HS3ST4: variants seen among roughly 807,000 people sequenced by gnomAD.
HS3ST4 encodes heparan sulfate glucosamine 3-O-sulfotransferase 4.
A neutral mutation model predicts 29.2 loss-of-function variants in HS3ST4; 17 were observed. The ratio of observed to expected loss-of-function variants is 0.58; its 90% CI spans 0.40 to 0.87. HS3ST4 has a LOEUF of 0.87. HS3ST4 is among the 40% of genes least tolerant of loss of function. The probability of loss-of-function intolerance (pLI) is 0.00; values close to 1 mark genes in which losing one functional copy is unlikely to be tolerated. For missense variants in HS3ST4, 627 were observed against 634.5 expected, an observed-to-expected ratio of 0.99 and a Z score of 0.13; for synonymous variants, 314 against 285.7, an observed-to-expected ratio of 1.10 and a Z score of -1.00.
intron 1 of HS3ST4, among the ~76,000 whole-genome samples, chr16:25,740,993 G>T (rs527468488): frequency 6.6e-6 from 1 of 152,214 alleles, no homozygotes; most frequent in South Asian, 2.1e-4. Flanking sequence ...TTTCTGTCTA[G>T]CGTCTGCTAC....
intron 1 of HS3ST4, among the ~76,000 whole-genome samples, chr16:25,998,471 C>A (rs1433118060): frequency 1.3e-5 from 2 of 152,180 alleles, no homozygotes; most frequent in Non-Finnish European, 2.9e-5. Context: ...GCTGTTATCA[C>A]AGGTGTGACT....
intron 1 of HS3ST4, among the ~76,000 whole-genome samples, chr16:25,783,887 A>C (rs1596569639): frequency 6.6e-6 from 1 of 151,854 alleles, no homozygotes; most frequent in Non-Finnish European, 1.5e-5. Flanking sequence ...ACTGCAGTGC[A>C]ATTTGCAGAT....
intron 1 of HS3ST4, among the ~76,000 whole-genome samples, chr16:25,897,693 T>TC (rs756681405): frequency 1.3e-5 from 2 of 151,928 alleles, no homozygotes; most frequent in Non-Finnish European, 2.9e-5. Flanking sequence ...TTCCTCTCTC[T>TC]CCCCCTTCTT....
intron 1 of HS3ST4, among the ~76,000 whole-genome samples, chr16:26,117,499 C>T (rs1453727524): frequency 6.6e-6 from 1 of 152,220 alleles, no homozygotes; most frequent in Non-Finnish European, 1.5e-5. Context: ...TTCCCAGAGA[C>T]TGGAGACAGG....
intron 1 of HS3ST4, among the ~76,000 whole-genome samples, chr16:26,047,098 A>G (rs1898280742): frequency 6.6e-6 from 1 of 152,222 alleles, no homozygotes; most frequent in Admixed American, 6.5e-5. Context: ...GTGTTCCACA[A>G]CTGGGCATCA....
intron 1 of HS3ST4, among the ~76,000 whole-genome samples, chr16:25,714,643 A>T (rs933924686): frequency 6.6e-6 from 1 of 152,132 alleles, no homozygotes; most frequent in Non-Finnish European, 1.5e-5. Context: ...CTTGTTTGTT[A>T]TATGTTGATG....
intron 1 of HS3ST4, among the ~76,000 whole-genome samples, chr16:25,905,329 ATT>A (rs1267150119): frequency 6.6e-6 from 1 of 151,436 alleles, no homozygotes; most frequent in Non-Finnish European, 1.5e-5. Flanking sequence ...TTGCAAAAAA[ATT>A]AGATAGGGGC....
intron 1 of HS3ST4, among the ~76,000 whole-genome samples, chr16:26,120,644 T>C (rs1476591960): frequency 2.0e-5 from 3 of 152,226 alleles, no homozygotes; most frequent in Admixed American, 6.5e-5. Context: ...GTCATGTATA[T>C]GGATGAATGT....
intron 1 of HS3ST4, among the ~76,000 whole-genome samples, chr16:25,917,788 G>A (rs1208979437): frequency 6.6e-6 from 1 of 152,238 alleles, no homozygotes; most frequent in Non-Finnish European, 1.5e-5. Flanking sequence ...GGAGAAGACA[G>A]ACTTTCTGTA....
At chr16:26,122,236 C>T (rs961426751) in intron 1 of HS3ST4, among the ~76,000 whole-genome samples, 27 of 150,790 alleles carry the variant, frequency 1.8e-4, no homozygotes, top group Non-Finnish European at 3.1e-4. Flanking sequence ...CACACACATG[C>T]GTGGCAACCT....
intron 1 of HS3ST4, among the ~76,000 whole-genome samples, chr16:25,980,845 AC>A (rs1381181640): frequency 6.6e-6 from 1 of 152,226 alleles, no homozygotes; most frequent in Non-Finnish European, 1.5e-5. Context: ...CAGGAGGTGG[AC>A]AGAGCAAGAG....
At position 25,692,896 on chromosome 16, in the gene HS3ST4, A is replaced by C. The variant is rs1363170618; in HGVS notation, c.479A>C (p.Glu160Ala). ...ITAQSALPEREAQESSTTDED... is the reference protein window; with the variant it reads ...ITAQSALPERAAQESSTTDED... ...GCTCAGAGCGCGCTGCCGGAGAGGGAAGCGCAGGAGTCCAGCACCACCGAC... is the reference window on the plus strand; with the variant it reads ...GCTCAGAGCGCGCTGCCGGAGAGGGCAGCGCAGGAGTCCAGCACCACCGAC... Residue 160 changes from glutamate to alanine, a missense_variant, in exon 1 of 2, where the codon GAA becomes GCA. Transcript: ENST00000331351. The C allele has an allele frequency of 1.9e-6, 3 of 1,576,466 alleles. No individual in the cohort carries two copies. The highest frequency in any genetic ancestry group is 1.7e-6 in the Non-Finnish European group (2 of 1,162,210).
chr16:25,924,839 A>T (rs907734032), intron 1 of HS3ST4, among the ~76,000 whole-genome samples: 6 of 152,194 alleles, frequency 3.9e-5, no homozygotes, highest in Non-Finnish European at 8.8e-5. Context: ...GATAATGAAC[A>T]TCAAGGCCCC....
At chr16:26,092,704 C>T (rs141296136) in intron 1 of HS3ST4, among the ~76,000 whole-genome samples, 4,948 of 152,208 alleles carry the variant, frequency 0.033, 256 homozygotes, top group African/African-American at 0.11. Flanking sequence ...TCTGCATTTC[C>T]AACTGAGGCA....
intron 1 of HS3ST4, among the ~76,000 whole-genome samples, chr16:25,786,036 A>T (rs1469930337): frequency 1.3e-5 from 2 of 152,154 alleles, no homozygotes; most frequent in Admixed American, 6.5e-5. Context: ...AGAGAGATTG[A>T]ATTTGGGTGG....
At chr16:26,062,877 G>T in intron 1 of HS3ST4, 2 of 258,998 alleles carry the variant, frequency 7.7e-6, no homozygotes, top group Non-Finnish European at 1.6e-5. Flanking sequence ...ACATATTCTG[G>T]CACCAAAGTT....
chr16:25,733,627 A>G (rs1364385883), intron 1 of HS3ST4, among the ~76,000 whole-genome samples: 1 of 152,060 alleles, frequency 6.6e-6, no homozygotes, highest in African/African-American at 2.4e-5. Flanking sequence ...TCCTGTCCCA[A>G]ATTTGCTTGG....
chr16:25,982,303 G>C (rs1274079770), intron 1 of HS3ST4, among the ~76,000 whole-genome samples: 3 of 152,156 alleles, frequency 2.0e-5, no homozygotes, highest in African/African-American at 7.2e-5. Flanking sequence ...TTGACAAATA[G>C]CCACGCCCAT....
Position 25,738,608 on chromosome 16 carries a change from G to A in HS3ST4, c.734+45457G>A, listed in dbSNP as rs527773563. Reference sequence around the variant, plus strand: ...CTCAGGACAGACCCACACAAGAAAAGCAATCCTACTTCAAGTGACAGTAGC... The same window carrying A: ...CTCAGGACAGACCCACACAAGAAAAACAATCCTACTTCAAGTGACAGTAGC... On this transcript the variant is annotated intron_variant, in intron 1 of 1. Transcript: ENST00000331351. Among the ~76,000 whole-genome samples the A allele has an allele frequency of 5.3e-4, 80 of 152,250 alleles. 3 individuals carry two copies. The South Asian group carries it at 0.016, about 31-fold the overall frequency.
Sources: allele counts gnomAD v4.1 joint callset (sites outside exome capture counted in the v4.1 genomes callset), GRCh38; gene constraint gnomAD v4.1.1; transcripts MANE v1.5; gene names NCBI Gene and HGNC (gene_info 2026-07-23, HGNC 2026-07-21).